CELSR1: variants seen among roughly 807,000 people sequenced by gnomAD.
The protein encoded by CELSR1 is adhesion G protein-coupled receptor C1.
Under a neutral mutation model 249.1 loss-of-function variants are expected in CELSR1, and 110 were observed. The ratio of observed to expected loss-of-function variants is 0.44; its 90% CI spans 0.38 to 0.52. CELSR1 has a LOEUF of 0.52. Ranked by LOEUF, CELSR1 falls within the 20% of genes least tolerant of loss-of-function variation. CELSR1 has a pLI of 0.00. For missense variants in CELSR1, 4,109 were observed against 4,296.4 expected, an observed-to-expected ratio of 0.96 and a Z score of 1.22; for synonymous variants, 2,113 against 1,900.0, an observed-to-expected ratio of 1.11 and a Z score of -2.92.
At position 46,369,604 on chromosome 22, in the gene CELSR1, G is replaced by A. The variant is rs568854047; in HGVS notation, c.7872+88C>T. The A allele has an allele frequency of 1.1e-5, 14 of 1,230,018 alleles. No homozygotes were observed. In the African/African-American group the frequency reaches 1.9e-4, roughly 17 times the overall value. 76.2% of individuals were successfully genotyped at this position (1,230,018 alleles called of 1,614,324 possible). A position where few individuals can be genotyped will look rare whatever the true frequency, so the allele number is the denominator to read the frequency against. ...CCTGCCCCCCGTCGGCTGCTCAGAG[G>A]AGTTGGTGGCCCCAGCCAACCCAGA... On this transcript the variant is annotated intron_variant, in intron 26 of 34. Transcript: ENST00000674500.
intron 2 of CELSR1, among the ~76,000 whole-genome samples, chr22:46,461,567 C>G (rs2080027718): frequency 6.6e-6 from 1 of 152,228 alleles, no homozygotes. Context: ...GCTCCTGACT[C>G]ATCTGACAAA....
chr22:46,373,553 G>A (rs1429712317), intron 24 of CELSR1, among the ~76,000 whole-genome samples: 3 of 151,368 alleles, frequency 2.0e-5, no homozygotes, highest in African/African-American at 7.3e-5. Context: ...TCTGGGAGAG[G>A]CTGCCCCAGC....
chr22:46,377,281 A>G lies in CELSR1; in HGVS notation c.7384-20T>C. 1.9e-6 allele frequency: 3 copies of G among 1,612,608 alleles called. No homozygotes were observed. The highest frequency in any genetic ancestry group is 1.1e-5 in the South Asian group (1 of 91,000). On this transcript the variant is annotated intron_variant, in intron 23 of 34. Coordinates refer to ENST00000674500, the MANE Select transcript of CELSR1 (RefSeq NM_001378328.1). Reference sequence around the variant, plus strand: ...CCCGTTCTATGGGCAGGAGGGTTAAAGGCAGGAGAGAAGGTAAGGGCCGAG... The same window carrying G: ...CCCGTTCTATGGGCAGGAGGGTTAAGGGCAGGAGAGAAGGTAAGGGCCGAG...
In CELSR1 at chr22:46,409,890, CAG is replaced by C. The variant is rs778307606; in HGVS notation, c.4934-12_4934-11del. The stretch of plus-strand genomic sequence containing the variant: ...CTCCGAGCAGCGCAGCCTGGCAACA[CAG>C]AGCGTGCGGCAGAGCCTGACTCGGA... On this transcript the variant is annotated splice_polypyrimidine_tract_variant and intron_variant, in intron 7 of 34. Transcript: ENST00000674500. The surrounding 1 kb of genome is among the most constrained non-coding windows in gnomAD (Gnocchi z 9.8). 18 of 1,611,656 alleles carry C rather than the reference CAG, an allele frequency of 1.1e-5. No individual in the cohort carries two copies. Among genetic ancestry groups the C allele is most frequent in the Non-Finnish European group, 8.5e-7 (1 of 1,179,934 alleles).
intron 2 of CELSR1, among the ~76,000 whole-genome samples, chr22:46,450,679 G>A (rs1251710849): frequency 6.6e-6 from 1 of 152,220 alleles, no homozygotes. Context: ...TCCCTGGACA[G>A]GTGTCCCCTC....
intron 1 of CELSR1, among the ~76,000 whole-genome samples, chr22:46,529,977 A>G (rs1307992670): frequency 6.6e-6 from 1 of 152,096 alleles, no homozygotes; most frequent in Non-Finnish European, 1.5e-5. Flanking sequence ...ATCATTACAC[A>G]TTGCATGCCT....
At chr22:46,456,656 CTGT>C (rs2079955696) in intron 2 of CELSR1, among the ~76,000 whole-genome samples, 1 of 98,276 alleles carries the variant, frequency 1.0e-5, no homozygotes, top group Non-Finnish European at 1.9e-5. Flanking sequence ...GAGCGAGACT[CTGT>C]CTAAAAAAAA....
At chr22:46,486,034 T>A (rs988888905) in intron 1 of CELSR1, among the ~76,000 whole-genome samples, 17 of 148,702 alleles carry the variant, frequency 1.1e-4, no homozygotes, top group African/African-American at 4.0e-4. Context: ...ACCTCCCAGG[T>A]TCACGCCATT....
In CELSR1 at chr22:46,491,636, TC is replaced by T. The variant is rs746728280; in HGVS notation, c.3545-27292del. ...AAACATAGTCTCTATTCTCTCTCTC[TC>T]TTTTTTTTTTTTTTTTAGACAGGGT... On this transcript the variant is annotated intron_variant, in intron 1 of 34. Coordinates refer to ENST00000674500, the MANE Select transcript of CELSR1 (RefSeq NM_001378328.1). Among the ~76,000 whole-genome samples, 77 of 43,054 alleles carry T rather than the reference TC, an allele frequency of 1.8e-3. No homozygotes were observed. The East Asian group carries it at 0.028, about 16-fold the overall frequency. 28.2% of individuals were successfully genotyped at this position (43,054 alleles called of 152,430 possible). A position where few individuals can be genotyped will look rare whatever the true frequency, so the allele number is the denominator to read the frequency against.
At chr22:46,371,459 G>A (rs2078850477) in intron 25 of CELSR1, among the ~76,000 whole-genome samples, 1 of 152,162 alleles carries the variant, frequency 6.6e-6, no homozygotes, top group African/African-American at 2.4e-5. Flanking sequence ...TCAGTAGGGA[G>A]CAAACCAACT....
In CELSR1 at chr22:46,408,782, G is replaced by A. The variant is rs371726004; in HGVS notation, c.5226+214C>T. Among the ~76,000 whole-genome samples the A allele has an allele frequency of 6.6e-6, 1 of 152,230 alleles. No homozygotes were observed. Among genetic ancestry groups the A allele is most frequent in the Admixed American group, 6.5e-5 (1 of 15,286 alleles). On this transcript the variant is annotated intron_variant, in intron 9 of 34. Coordinates refer to ENST00000674500, the MANE Select transcript of CELSR1 (RefSeq NM_001378328.1). This position sits in a 1 kb window ranked among gnomAD's most constrained non-coding sequence, Gnocchi z 4.6. The stretch of plus-strand genomic sequence containing the variant: ...CCGCTGAGCTCTGCTGGGCCCCAGG[G>A]TTGGCCCAGCCCCATGCTCCCTCGC...
chr22:46,394,304 T>C (rs1470665194), intron 13 of CELSR1, 42 bp from the exon 14 acceptor site: 1 of 1,587,520 alleles, frequency 6.3e-7, no homozygotes, highest in Non-Finnish European at 8.6e-7. Flanking sequence ...TTTATGTAAC[T>C]GTGCTTTCTG....
At chr22:46,519,044 A>C (rs1261904007) in intron 1 of CELSR1, among the ~76,000 whole-genome samples, 1 of 151,930 alleles carries the variant, frequency 6.6e-6, no homozygotes, top group African/African-American at 2.4e-5. Context: ...AAAAAAAAAA[A>C]CACCAACATA....
chr22:46,409,771 C>A lies in CELSR1; in HGVS notation c.5043G>T (p.Gly1681=). The change falls in exon 8 of 35, where the codon GGG becomes GGT. Residue 1681 remains glycine, a synonymous_variant. Coordinates refer to ENST00000674500, the MANE Select transcript of CELSR1 (RefSeq NM_001378328.1). This position sits in a 1 kb window ranked among gnomAD's most constrained non-coding sequence, Gnocchi z 9.8. ...YLCECPLRFG[G]KNCEQAMPHP... ...GCCACTCACCTTGCTCACAGTTCTT[C>A]CCGCCGAATCGGAGTGGACACTCAC... 6.2e-7 allele frequency: 1 copy of A among 1,613,660 alleles called. No homozygotes were observed. Among genetic ancestry groups the A allele is most frequent in the Non-Finnish European group, 8.5e-7 (1 of 1,180,006 alleles).
At chr22:46,438,703 G>C (rs2079697484) in intron 3 of CELSR1, among the ~76,000 whole-genome samples, 1 of 152,208 alleles carries the variant, frequency 6.6e-6, no homozygotes, top group Admixed American at 6.5e-5. Flanking sequence ...AGGGAGCAGG[G>C]AAGGGGCTGA....
intron 27 of CELSR1, 43 bp downstream of exon 27, chr22:46,369,136 G>A (rs777708172): frequency 1.3e-6 from 2 of 1,596,346 alleles, no homozygotes; most frequent in Admixed American, 3.3e-5. Context: ...GGGTCTCAGG[G>A]CCCAGCCGAC....
At position 46,362,820 on chromosome 22, in the gene CELSR1, G is replaced by A. The variant is rs1398669515; in HGVS notation, c.*403C>T. 2 of 300,594 alleles carry A rather than the reference G, an allele frequency of 6.7e-6. No individual in the cohort carries two copies. Among genetic ancestry groups the A allele is most frequent in the Non-Finnish European group, 1.2e-5 (2 of 160,966 alleles). The allele number at this position is 300,594 out of a possible 1,614,324, so 18.6% of individuals were successfully genotyped here. A position where few individuals can be genotyped will look rare whatever the true frequency, so the allele number is the denominator to read the frequency against. Reference sequence around the variant, plus strand: ...CCGCACTGCCATGAGATGCCCGCCTGGGCGGGGCTGGACCGCGGTCTTTGG... The same window carrying A: ...CCGCACTGCCATGAGATGCCCGCCTAGGCGGGGCTGGACCGCGGTCTTTGG... On this transcript the variant is annotated 3_prime_UTR_variant, in exon 35 of 35. Transcript: ENST00000674500.
rs752172625 is a variant in CELSR1, at chr22:46,365,213, T to G, written c.8554+18A>C. The G allele has an allele frequency of 7.5e-6, 12 of 1,608,298 alleles. No individual in the cohort carries two copies. Among genetic ancestry groups the G allele is most frequent in the Non-Finnish European group, 1.0e-5 (12 of 1,178,842 alleles). ...CTGTCCACAGCCCAGCCTGGCCCAA[T>G]GTGCCCCACACACTCACCTTTGGGG... is the stretch of plus-strand genomic sequence containing the variant. On this transcript the variant is annotated intron_variant, in intron 32 of 34. Coordinates refer to ENST00000674500, the MANE Select transcript of CELSR1 (RefSeq NM_001378328.1).
At chr22:46,442,273 C>A (rs1003910698) in intron 2 of CELSR1, among the ~76,000 whole-genome samples, 5 of 152,266 alleles carry the variant, frequency 3.3e-5, no homozygotes, top group Non-Finnish European at 5.9e-5. Context: ...ACAGCTGAGA[C>A]CCTGCACTCA....
Sources: allele counts gnomAD v4.1 joint callset (sites outside exome capture counted in the v4.1 genomes callset), GRCh38; gene constraint gnomAD v4.1.1; non-coding constraint Gnocchi (gnomAD v3.1); transcripts MANE v1.5; gene names NCBI Gene and HGNC (gene_info 2026-07-23, HGNC 2026-07-21).